The following PTPRG variants were observed in gnomAD, a reference collection of about 807,000 sequenced individuals.
The protein encoded by PTPRG is protein tyrosine phosphatase receptor type G.
Under a neutral mutation model 165.3 loss-of-function variants are expected in PTPRG, and 102 were observed. That is an observed-to-expected ratio of 0.62 (90% confidence interval 0.53 to 0.73). PTPRG has a LOEUF of 0.73. Among genes scored for constraint, PTPRG ranks in the 30% least tolerant of loss-of-function variants. The pLI is 0.00. For synonymous variants in PTPRG, 675 were observed against 669.5 expected, an observed-to-expected ratio of 1.01 and a Z score of -0.13; for missense variants, 1,866 against 1,861.4, an observed-to-expected ratio of 1.00 and a Z score of -0.05.
intron 2 of PTPRG, among the ~76,000 whole-genome samples, chr3:61,768,459 A>G (rs776995078): frequency 2.0e-5 from 3 of 152,224 alleles, no homozygotes; most frequent in Non-Finnish European, 1.5e-5. Flanking sequence ...TGCCAGCCTC[A>G]GTACTGAGTC....
chr3:62,131,715 T>A (rs772212435), intron 5 of PTPRG, among the ~76,000 whole-genome samples: 5 of 152,158 alleles, frequency 3.3e-5, no homozygotes, highest in Non-Finnish European at 7.3e-5. Flanking sequence ...AAGAAAATTG[T>A]ATAATGACCC....
intron 5 of PTPRG, among the ~76,000 whole-genome samples, chr3:62,122,036 A>T (rs866152044): frequency 8.5e-5 from 13 of 152,182 alleles, no homozygotes; most frequent in Middle Eastern, 3.2e-3. Context: ...CCTCCTCGAG[A>T]TGGGGCTGGA....
intron 8 of PTPRG, among the ~76,000 whole-genome samples, chr3:62,177,502 G>A (rs1031102311): frequency 6.6e-6 from 1 of 152,184 alleles, no homozygotes; most frequent in Non-Finnish European, 1.5e-5. Context: ...TTCAGAATAA[G>A]GGTGCCATGC....
In PTPRG at chr3:62,167,388, A is replaced by G. The variant is rs190575173; in HGVS notation, c.841-583A>G. ...AGAATTAAATCCCTAATATTTATGA[A>G]GCTCTTATGATATACTAGGAACTGT... On this transcript the variant is annotated intron_variant, in intron 7 of 29. Transcript: ENST00000474889. Among the ~76,000 whole-genome samples the G allele has an allele frequency of 5.8e-3, 885 of 152,324 alleles. 21 individuals are homozygous for G. Among genetic ancestry groups the G allele is most frequent in the Non-Finnish European group, 2.7e-3 (187 of 68,038 alleles).
At chr3:62,226,502 T>C (rs894273243) in intron 13 of PTPRG, among the ~76,000 whole-genome samples, 8 of 152,248 alleles carry the variant, frequency 5.3e-5, no homozygotes, top group South Asian at 4.1e-4. Flanking sequence ...TTGAATAATA[T>C]AACCTATTTG....
intron 13 of PTPRG, among the ~76,000 whole-genome samples, chr3:62,227,277 G>A (rs964518851): frequency 1.3e-5 from 2 of 152,184 alleles, no homozygotes; most frequent in African/African-American, 4.8e-5. Context: ...AGGTCTACTT[G>A]ACGATGACTG....
At chr3:61,619,922 A>C (rs1701401988) in intron 1 of PTPRG, among the ~76,000 whole-genome samples, 1 of 152,140 alleles carries the variant, frequency 6.6e-6, no homozygotes, top group Non-Finnish European at 1.5e-5. Context: ...GGATTATTAA[A>C]CAGGTGCTGA....
At chr3:61,716,346 T>A (rs1426838086) in intron 1 of PTPRG, among the ~76,000 whole-genome samples, 1 of 152,226 alleles carries the variant, frequency 6.6e-6, no homozygotes, top group Admixed American at 6.5e-5. Context: ...ATCAAAGATG[T>A]ATCTCAACTA....
At chr3:61,647,616 C>T (rs574321887) in intron 1 of PTPRG, among the ~76,000 whole-genome samples, 5 of 151,916 alleles carry the variant, frequency 3.3e-5, no homozygotes, top group African/African-American at 1.2e-4. Context: ...CAGTGAAACC[C>T]CGTCTCCACT....
intron 5 of PTPRG, among the ~76,000 whole-genome samples, chr3:62,087,517 A>G (rs1701791167): frequency 6.6e-6 from 1 of 152,240 alleles, no homozygotes; most frequent in African/African-American, 2.4e-5. Flanking sequence ...AATGACAACT[A>G]CTATACAGTG....
At chr3:62,074,214 T>C (rs559604524) in intron 4 of PTPRG, among the ~76,000 whole-genome samples, 1 of 151,696 alleles carries the variant, frequency 6.6e-6, no homozygotes, top group African/African-American at 2.4e-5. Flanking sequence ...TGTGTGTGTA[T>C]ACAGAGAGAG....
intron 1 of PTPRG, among the ~76,000 whole-genome samples, chr3:61,632,780 C>T (rs1297938755): frequency 6.6e-6 from 1 of 152,180 alleles, no homozygotes; most frequent in African/African-American, 2.4e-5. Context: ...AGAGTCATTA[C>T]ATCACTTTCC....
chr3:61,718,819 C>G (rs2031928675), intron 1 of PTPRG, among the ~76,000 whole-genome samples: 2 of 152,206 alleles, frequency 1.3e-5, no homozygotes, highest in East Asian at 3.9e-4. Context: ...TAGTCCTTTC[C>G]CATTTGTAAT....
intron 2 of PTPRG, chr3:61,749,270 AGTCTT>A (rs1272615064): frequency 4.4e-6 from 2 of 450,378 alleles, no homozygotes; most frequent in Admixed American, 3.3e-5. Flanking sequence ...TGAAAGACGT[AGTCTT>A]GTCTTTTCTG....
chr3:62,007,035 T>TAA (rs2041314403), intron 4 of PTPRG, among the ~76,000 whole-genome samples: 1 of 152,250 alleles, frequency 6.6e-6, no homozygotes, highest in African/African-American at 2.4e-5. Context: ...GCCTTATGTG[T>TAA]AACAGCATTG....
intron 28 of PTPRG, among the ~76,000 whole-genome samples, chr3:62,288,185 A>G (rs1234578056): frequency 6.6e-6 from 1 of 152,118 alleles, no homozygotes; most frequent in Non-Finnish European, 1.5e-5. Context: ...ACATATTAGA[A>G]AGGTTAAAAA....
At chr3:61,835,380 C>T (rs1455786642) in intron 2 of PTPRG, among the ~76,000 whole-genome samples, 3 of 152,162 alleles carry the variant, frequency 2.0e-5, no homozygotes, top group East Asian at 3.9e-4. Flanking sequence ...CTTCCCCAGG[C>T]TGGAGTGCAG....
chr3:62,201,174 A>G (rs28656971), intron 10 of PTPRG, among the ~76,000 whole-genome samples: 1,525 of 152,280 alleles, frequency 0.01, 28 homozygotes, highest in African/African-American at 0.035. Flanking sequence ...TCATTCAACT[A>G]TACACCTATA....
At position 62,008,119 on chromosome 3, in the gene PTPRG, C is replaced by G. The variant is rs565233279; in HGVS notation, c.519+4622C>G. ...TCGTATCCTAAACTTTTTTCCTATT[C>G]CACACTCATTCCTGTTCTGTGGTTG... On this transcript the variant is annotated intron_variant, in intron 4 of 29. Coordinates refer to ENST00000474889, the MANE Select transcript of PTPRG (RefSeq NM_002841.4). Among the ~76,000 whole-genome samples, 3 of 152,304 alleles carry G rather than the reference C, an allele frequency of 2.0e-5. No individual in the cohort carries two copies. In the East Asian group the frequency reaches 5.8e-4, roughly 29 times the overall value.
Sources: gnomAD v4.1 joint callset for allele counts (sites outside exome capture counted in the v4.1 genomes callset) on GRCh38, gnomAD v4.1.1 for gene constraint, MANE v1.5 for transcripts, NCBI Gene and HGNC (gene_info 2026-07-23, HGNC 2026-07-21) for gene names.